Variants in SUCLG2 observed in about 807,000 individuals in gnomAD.
SUCLG2 encodes the protein succinate-CoA ligase GDP-forming subunit beta, also known as succinate--CoA ligase [GDP-forming] subunit beta, mitochondrial.
A neutral mutation model predicts 47.9 loss-of-function variants in SUCLG2; 42 were observed. That is an observed-to-expected ratio of 0.88 (90% confidence interval 0.69 to 1.14). SUCLG2 has a LOEUF of 1.14. SUCLG2 is among the 50% of genes most tolerant of loss of function. SUCLG2 has a pLI of 0.00. For synonymous variants in SUCLG2, 195 were observed against 197.3 expected (o/e 0.99, Z 0.10); for missense variants, 571 against 525.9 (o/e 1.09, Z -0.84).
At position 67,411,229 on chromosome 3, in the gene SUCLG2, G is replaced by GAA. The variant is rs11385794; in HGVS notation, c.1063-10380_1063-10379dup. 3.3e-4 allele frequency among the ~76,000 whole-genome samples: 49 copies of GAA among 150,576 alleles called. 1 individual carries two copies. The highest frequency in any genetic ancestry group is 1.1e-3 in the African/African-American group (45 of 41,092). ...CTTTATTTGTGATTAACATCAATTA[G>GAA]AAAAAAAAATAGCTAAGCAGAGAGA... is the stretch of plus-strand genomic sequence containing the variant. On this transcript the variant is annotated intron_variant, in intron 9 of 10. Coordinates refer to ENST00000307227, the MANE Select transcript of SUCLG2 (RefSeq NM_003848.4).
chr3:67,413,718 G>C (rs568494109), intron 9 of SUCLG2, among the ~76,000 whole-genome samples: 2 of 152,308 alleles, frequency 1.3e-5, no homozygotes, highest in South Asian at 4.1e-4. Context: ...GAACTGAGCA[G>C]CATCCAGTAA....
chr3:67,536,309 A>G (rs139067823), intron 2 of SUCLG2, among the ~76,000 whole-genome samples: 16 of 152,372 alleles, frequency 1.1e-4, no homozygotes, highest in Non-Finnish European at 1.8e-4. Context: ...TTTTACAGCA[A>G]TATTACTAAT....
chr3:67,380,705 G>GAC (rs1702139920), intron 10 of SUCLG2, among the ~76,000 whole-genome samples: 4 of 63,476 alleles, frequency 6.3e-5, no homozygotes, highest in Admixed American at 1.7e-4. Context: ...GAGAGAGGGA[G>GAC]ATAGAGAGAG....
rs1244709046 is a variant in SUCLG2 at position 67,495,792 on chromosome 3, G to A, written c.1062+6C>T. 8 of 1,613,332 alleles carry A rather than the reference G, an allele frequency of 5.0e-6. No individual in the cohort carries two copies. Among genetic ancestry groups the A allele is most frequent in the Non-Finnish European group, 6.8e-6 (8 of 1,179,914 alleles). On this transcript the variant is annotated splice_donor_region_variant and intron_variant, in intron 9 of 10. Transcript: ENST00000307227. ...CATATAATCTCCCTACAAAGAGAAAGGTTACCTTAGGATCAGCTGTGAGCA... is the reference window on the plus strand; with the variant it reads ...CATATAATCTCCCTACAAAGAGAAAAGTTACCTTAGGATCAGCTGTGAGCA...
At chr3:67,510,902 T>C (rs1356123618) in intron 6 of SUCLG2, among the ~76,000 whole-genome samples, 1 of 149,930 alleles carries the variant, frequency 6.7e-6, no homozygotes, top group East Asian at 1.9e-4. Context: ...TTTTTTTTTT[T>C]TTTTTTTGAG....
intron 9 of SUCLG2, among the ~76,000 whole-genome samples, chr3:67,463,631 G>T (rs1044965911): frequency 6.6e-6 from 1 of 152,152 alleles, no homozygotes; most frequent in Non-Finnish European, 1.5e-5. Flanking sequence ...TGTTTATGGG[G>T]CCATGCTTTT....
intron 9 of SUCLG2, among the ~76,000 whole-genome samples, chr3:67,459,791 G>T (rs1057115699): frequency 1.3e-5 from 2 of 152,162 alleles, no homozygotes; most frequent in Non-Finnish European, 2.9e-5. Context: ...ATGCTACCAG[G>T]AGTCCATCAG....
At chr3:67,499,521 G>C (rs1352903866) in intron 7 of SUCLG2, among the ~76,000 whole-genome samples, 1 of 152,080 alleles carries the variant, frequency 6.6e-6, no homozygotes, top group African/African-American at 2.4e-5. Flanking sequence ...CCTGGACCCA[G>C]CAAAACTCAT....
intron 1 of SUCLG2, among the ~76,000 whole-genome samples, chr3:67,651,790 A>G (rs1356033802): frequency 6.6e-6 from 1 of 152,224 alleles, no homozygotes; most frequent in Non-Finnish European, 1.5e-5. Context: ...ATGCCAATCA[A>G]AAACACACCA....
chr3:67,404,006 C>T (rs1468086842), intron 9 of SUCLG2, among the ~76,000 whole-genome samples: 2 of 152,196 alleles, frequency 1.3e-5, no homozygotes, highest in South Asian at 2.1e-4. Context: ...ATACCTCAGC[C>T]TCCTGAGTAG....
chr3:67,639,386 G>C (rs1701060704), intron 1 of SUCLG2, among the ~76,000 whole-genome samples: 1 of 151,734 alleles, frequency 6.6e-6, no homozygotes, highest in African/African-American at 2.4e-5. Flanking sequence ...TAAACCAGTT[G>C]TCCGAGGCAC....
chr3:67,594,572 T>G (rs1218809573), intron 2 of SUCLG2, among the ~76,000 whole-genome samples: 1 of 152,188 alleles, frequency 6.6e-6, no homozygotes, highest in Non-Finnish European at 1.5e-5. Flanking sequence ...ATCTGTGTAT[T>G]TCTGTCACAG....
At chr3:67,560,952 CAA>C (rs1312540812) in intron 2 of SUCLG2, among the ~76,000 whole-genome samples, 3 of 150,192 alleles carry the variant, frequency 2.0e-5, no homozygotes, top group Non-Finnish European at 4.4e-5. Context: ...CCCACACTCA[CAA>C]AATGAATATA....
At chr3:67,606,144 G>A (rs753516716) in intron 2 of SUCLG2, among the ~76,000 whole-genome samples, 1 of 152,132 alleles carries the variant, frequency 6.6e-6, no homozygotes, top group Non-Finnish European at 1.5e-5. Flanking sequence ...GTTCGAGATT[G>A]CACTGAACTA....
chr3:67,456,142 G>T (rs1373252730), intron 9 of SUCLG2, among the ~76,000 whole-genome samples: 1 of 152,158 alleles, frequency 6.6e-6, no homozygotes, highest in South Asian at 2.1e-4. Context: ...GGAATCATGT[G>T]ATTGCTGTCT....
intron 10 of SUCLG2, among the ~76,000 whole-genome samples, chr3:67,390,560 C>T (rs998442445): frequency 2.0e-5 from 3 of 152,088 alleles, no homozygotes; most frequent in South Asian, 2.1e-4. Flanking sequence ...AAGACTCTTG[C>T]GTGAAATGAA....
intron 9 of SUCLG2, among the ~76,000 whole-genome samples, chr3:67,418,868 A>G (rs549036051): frequency 1.1e-4 from 16 of 152,212 alleles, no homozygotes; most frequent in Non-Finnish European, 2.2e-4. Context: ...GGATAACAAA[A>G]AAGTATTGAG....
chr3:67,421,641 T>A (rs1207130684), intron 9 of SUCLG2, among the ~76,000 whole-genome samples: 2 of 152,250 alleles, frequency 1.3e-5, no homozygotes, highest in Non-Finnish European at 2.9e-5. Context: ...CACTATGGTA[T>A]GTTTATATAA....
intron 1 of SUCLG2, among the ~76,000 whole-genome samples, chr3:67,625,807 T>C (rs1028374710): frequency 6.6e-6 from 1 of 152,056 alleles, no homozygotes; most frequent in Non-Finnish European, 1.5e-5. Flanking sequence ...CTAAGCACAG[T>C]GGGGACACAG....
Sources: allele counts gnomAD v4.1 joint callset (sites outside exome capture counted in the v4.1 genomes callset), GRCh38; gene constraint gnomAD v4.1.1; transcripts MANE v1.5; gene names NCBI Gene and HGNC (gene_info 2026-07-23, HGNC 2026-07-21).